The following PTPRK variants were observed in gnomAD, a reference collection of about 807,000 sequenced individuals.
The protein encoded by PTPRK is protein tyrosine phosphatase receptor type K.
Under a neutral mutation model 178.0 loss-of-function variants are expected in PTPRK, and 75 were observed. The observed-to-expected ratio is 0.42, with a 90% CI of 0.35 to 0.51. The LOEUF is 0.51. Among genes scored for constraint, PTPRK ranks in the 20% least tolerant of loss-of-function variants. The pLI, the probability that PTPRK is intolerant of heterozygous loss-of-function variation, is 0.02. For synonymous variants in PTPRK, 637 were observed against 620.6 expected (o/e 1.03, Z -0.39); for missense variants, 1,441 against 1,797.8 (o/e 0.80, Z 3.59).
At position 128,273,647 on chromosome 6, in the gene PTPRK, C is replaced by T. The variant is rs549546925; in HGVS notation, c.496-31045G>A. 3.9e-5 allele frequency among the ~76,000 whole-genome samples: 6 copies of T among 152,236 alleles called. No homozygotes were observed. The East Asian group carries it at 9.7e-4, about 25-fold the overall frequency. On this transcript the variant is annotated intron_variant, in intron 3 of 29. Transcript: ENST00000368226. ...CTCAAGATTGAACTCCAGACGAAAA[C>T]GTGTAAGTGTCCTGGGCCAAGAGTC...
intron 3 of PTPRK, among the ~76,000 whole-genome samples, chr6:128,307,749 C>A (rs1826644258): frequency 6.6e-6 from 1 of 151,982 alleles, no homozygotes; most frequent in Non-Finnish European, 1.5e-5. Context: ...CAAATTTGGA[C>A]CACAATATTA....
chr6:128,001,301 TAAGC>T, intron 15 of PTPRK: 1 of 898,756 alleles, frequency 1.1e-6, no homozygotes, highest in South Asian at 1.9e-5. Flanking sequence ...GTATTAGCAT[TAAGC>T]AATATTTGAA....
intron 1 of PTPRK, chr6:128,500,749 T>C (rs1008381161): frequency 6.6e-6 from 1 of 152,200 alleles, no homozygotes; most frequent in Non-Finnish European, 1.5e-5. Flanking sequence ...GAGTACTAAC[T>C]GAGAAGAGTT....
At chr6:128,203,910 T>G (rs116397335) in intron 6 of PTPRK, among the ~76,000 whole-genome samples, 3,797 of 152,084 alleles carry the variant, frequency 0.025, 97 homozygotes, top group African/African-American at 0.068. Context: ...CCTCATAAAA[T>G]TAGAAAAAAA....
At chr6:128,208,555 A>C (rs543006994) in intron 6 of PTPRK, among the ~76,000 whole-genome samples, 1 of 152,146 alleles carries the variant, frequency 6.6e-6, no homozygotes, top group Non-Finnish European at 1.5e-5. Flanking sequence ...TATATCTTAC[A>C]TGTGTTTTTA....
At chr6:128,174,419 T>C (rs1481046286) in intron 7 of PTPRK, among the ~76,000 whole-genome samples, 3 of 151,936 alleles carry the variant, frequency 2.0e-5, no homozygotes, top group Non-Finnish European at 2.9e-5. Context: ...AGGATCATTA[T>C]ATAGTGTTTC....
In PTPRK at chr6:128,423,883, T is replaced by C. The variant is rs143230568; in HGVS notation, c.101-26195A>G. 3.3e-5 allele frequency among the ~76,000 whole-genome samples: 5 copies of C among 151,846 alleles called. 1 individual carries two copies. Among genetic ancestry groups the C allele is most frequent in the Admixed American group, 2.6e-4 (4 of 15,228 alleles). ...AAAAATAAAAAATAACATGGATTAA[T>C]TGACTCTTAAGAGAACTATAGCAAA... On this transcript the variant is annotated intron_variant, in intron 1 of 29. Coordinates refer to ENST00000368226, the MANE Select transcript of PTPRK (RefSeq NM_002844.4).
intron 2 of PTPRK, among the ~76,000 whole-genome samples, chr6:128,385,922 T>C (rs1004439347): frequency 6.6e-6 from 1 of 152,206 alleles, no homozygotes; most frequent in African/African-American, 2.4e-5. Flanking sequence ...AAATAAACTA[T>C]AATCCCCAAA....
At chr6:128,344,797 T>A (rs1461362784) in intron 2 of PTPRK, among the ~76,000 whole-genome samples, 1 of 152,172 alleles carries the variant, frequency 6.6e-6, no homozygotes, top group East Asian at 1.9e-4. Context: ...ACTACAGGCA[T>A]GAGCCACTGT....
chr6:128,395,598 G>C (rs945491767), intron 2 of PTPRK, among the ~76,000 whole-genome samples: 1 of 151,994 alleles, frequency 6.6e-6, no homozygotes, highest in African/African-American at 2.4e-5. Flanking sequence ...TATATGAAAA[G>C]TTTAGTCTAA....
At chr6:128,063,370 T>A (rs188929013) in intron 13 of PTPRK, 1 of 152,248 alleles carries the variant, frequency 6.6e-6, no homozygotes, top group Admixed American at 6.5e-5. Context: ...CACAAACATC[T>A]CAGGCAAGAG....
At chr6:128,172,442 A>C (rs1030912453) in intron 7 of PTPRK, among the ~76,000 whole-genome samples, 1 of 151,866 alleles carries the variant, frequency 6.6e-6, no homozygotes, top group Admixed American at 6.6e-5. Flanking sequence ...GGAAAGTCTA[A>C]ATATTTAAGT....
chr6:128,301,216 G>T (rs937878518), intron 3 of PTPRK, among the ~76,000 whole-genome samples: 4 of 152,024 alleles, frequency 2.6e-5, no homozygotes. Context: ...ATAGCAATTT[G>T]TCCAACTGTA....
intron 1 of PTPRK, among the ~76,000 whole-genome samples, chr6:128,483,347 C>G (rs1249410337): frequency 6.6e-6 from 1 of 152,032 alleles, no homozygotes; most frequent in East Asian, 1.9e-4. Context: ...TAGCAACTTG[C>G]TTTATCCTAT....
chr6:128,347,765 A>G (rs1309407614), intron 2 of PTPRK, among the ~76,000 whole-genome samples: 1 of 152,146 alleles, frequency 6.6e-6, no homozygotes, highest in Non-Finnish European at 1.5e-5. Flanking sequence ...CTACTAAGTT[A>G]CATTATCAGG....
At chr6:128,435,029 A>G (rs1410024012) in intron 1 of PTPRK, among the ~76,000 whole-genome samples, 2 of 111,048 alleles carry the variant, frequency 1.8e-5, no homozygotes, top group Non-Finnish European at 1.8e-5. Context: ...AGGAAGTAAG[A>G]CAGGAAGGCA....
chr6:128,008,532 T>TCA (rs1407300676), intron 14 of PTPRK, among the ~76,000 whole-genome samples: 1 of 151,034 alleles, frequency 6.6e-6, no homozygotes, highest in East Asian at 1.9e-4. Flanking sequence ...AGAGCAAAGC[T>TCA]CAGTTTAAAT....
At chr6:127,984,197 T>C (rs879450685) in intron 22 of PTPRK, among the ~76,000 whole-genome samples, 3 of 152,154 alleles carry the variant, frequency 2.0e-5, no homozygotes, top group Non-Finnish European at 2.9e-5. Context: ...AAAAGGGTGA[T>C]TGGCATATGC....
intron 6 of PTPRK, among the ~76,000 whole-genome samples, chr6:128,210,497 T>C (rs1243049273): frequency 1.3e-5 from 2 of 151,736 alleles, no homozygotes; most frequent in East Asian, 3.9e-4. Flanking sequence ...GGAATAAGAA[T>C]GTAAAAGCGT....
Sources: allele counts gnomAD v4.1 joint callset (sites outside exome capture counted in the v4.1 genomes callset), GRCh38; gene constraint gnomAD v4.1.1; transcripts MANE v1.5; gene names NCBI Gene and HGNC (gene_info 2026-07-23, HGNC 2026-07-21).